DDX54: variants seen among roughly 807,000 people sequenced by gnomAD.
DDX54 encodes the protein ATP-dependent RNA helicase DDX54.
In DDX54, 67 loss-of-function variants were observed where a neutral mutation model predicts 105.5. That is an observed-to-expected ratio of 0.64 (90% CI 0.52 to 0.78). The LOEUF (loss-of-function observed/expected upper bound fraction) is 0.78, where lower values mean the gene tolerates loss of function less well. DDX54 is among the 30% of genes least tolerant of loss of function. The pLI is 0.00. For synonymous variants in DDX54, 514 were observed against 509.9 expected (o/e 1.01, Z -0.11); for missense variants, 1,206 against 1,230.5 (o/e 0.98, Z 0.30).
rs868622825 is a variant in DDX54, at chr12:113,163,604, C to T, written c.1939-330G>A. On this transcript the variant is annotated intron_variant, in intron 15 of 19. Coordinates refer to ENST00000306014, the MANE Select transcript of DDX54 (RefSeq NM_024072.4). This position sits in a 1 kb window ranked among gnomAD's most constrained non-coding sequence, Gnocchi z 5.9. ...TGACAGCCGGCCCTGCCCCTCTCTG[C>T]GCCTGGCCTGCTCTGAACAACATGG... is the stretch of plus-strand genomic sequence containing the variant. Among the ~76,000 whole-genome samples, 1 of 152,164 alleles carries T rather than the reference C, an allele frequency of 6.6e-6. No homozygotes were observed. The highest frequency in any genetic ancestry group is 1.5e-5 in the Non-Finnish European group (1 of 68,026).
intron 5 of DDX54, 126 bp downstream of exon 5, chr12:113,178,851 T>C: frequency 7.5e-7 from 1 of 1,330,048 alleles, no homozygotes; most frequent in Non-Finnish European, 1.0e-6. Context: ...CCTTGTTGGG[T>C]TTTTTGAATG....
In DDX54 at chr12:113,163,139, C is replaced by T. The variant is rs1419999031; in HGVS notation, c.2074G>A (p.Glu692Lys). The change falls in exon 16 of 20, where the codon GAG becomes AAG. Residue 692 changes from glutamate to lysine, a missense_variant. Physicochemically the swap from Glu to Lys is moderately conservative, Grantham distance 56. Coordinates refer to ENST00000306014, the MANE Select transcript of DDX54 (RefSeq NM_024072.4). The surrounding 1 kb of genome is among the most constrained non-coding windows in gnomAD (Gnocchi z 5.9). ...IPYRPKDFDS[E>K]RGLSISGEGG... ...ACCCAGCCAGCCACTCACCCCCGCTCGCTGTCAAAGTCCTTGGGCCGGTAG... is the reference window on the plus strand; with the variant it reads ...ACCCAGCCAGCCACTCACCCCCGCTTGCTGTCAAAGTCCTTGGGCCGGTAG... 1.1e-5 allele frequency: 18 copies of T among 1,613,150 alleles called. No individual in the cohort carries two copies. The highest frequency in any genetic ancestry group is 1.4e-5 in the Non-Finnish European group (17 of 1,179,980).
intron 5 of DDX54, among the ~76,000 whole-genome samples, chr12:113,177,739 A>G (rs1369629992): frequency 2.6e-5 from 4 of 152,172 alleles, no homozygotes; most frequent in African/African-American, 9.7e-5. Context: ...AAGGCATGGA[A>G]TGAGGCAGGA....
chr12:113,159,591 T>C (rs1234697793), intron 19 of DDX54, among the ~76,000 whole-genome samples: 1 of 152,120 alleles, frequency 6.6e-6, no homozygotes, highest in Non-Finnish European at 1.5e-5. Flanking sequence ...TAGTAACCGA[T>C]ACAGACCTCA....
intron 1 of DDX54, among the ~76,000 whole-genome samples, chr12:113,184,104 A>C (rs1003979514): frequency 6.6e-6 from 1 of 151,402 alleles, no homozygotes; most frequent in African/African-American, 2.4e-5. Flanking sequence ...ATGCCACCAC[A>C]CCTGGCTATT....
At chr12:113,162,738 TCTCA>T (rs1215810499) in intron 17 of DDX54, 190 bp downstream of exon 17, 11 of 524,536 alleles carry the variant, frequency 2.1e-5, no homozygotes, top group East Asian at 1.4e-4. Flanking sequence ...CAGCTCACTC[TCTCA>T]CTCACCCTGG....
Position 113,157,275 on chromosome 12 carries a change from AC to A in DDX54, c.*1601del, listed in dbSNP as rs1952139375. The A allele has an allele frequency of 3.0e-6, 1 of 332,328 alleles. No homozygotes were observed. The highest frequency in any genetic ancestry group is 5.6e-6 in the Non-Finnish European group (1 of 180,040). 20.6% of individuals were successfully genotyped at this position (332,328 alleles called of 1,614,324 possible). On this transcript the variant is annotated 3_prime_UTR_variant, in exon 20 of 20. Transcript: ENST00000306014. ...CCACGGAGATAAGAGTAGGTCACAA[AC>A]CAATGAATATGACTGATCCAGTTAC...
In DDX54 at chr12:113,185,407, A is replaced by T. The variant is rs777129326; in HGVS notation, c.45T>A (p.Ala15=). ...KGPAAGPRSR[A]AMAQWRKKKG... ...TCTTCTTCCTCCACTGGGCCATGGC[A>T]GCTCGCGACCGAGGTCCAGCCGCCG... is the stretch of plus-strand genomic sequence containing the variant. The change falls in exon 1 of 20, where the codon GCT becomes GCA. Residue 15 remains alanine, a synonymous_variant. Transcript: ENST00000306014. The T allele has an allele frequency of 2.6e-5, 40 of 1,539,052 alleles. No homozygotes were observed. Among genetic ancestry groups the T allele is most frequent in the Non-Finnish European group, 3.4e-5 (39 of 1,145,266 alleles).
chr12:113,180,037 AG>A, intron 2 of DDX54, 32 bp from the exon 3 acceptor site: 9 of 1,611,406 alleles, frequency 5.6e-6, no homozygotes, highest in Non-Finnish European at 7.6e-6. Flanking sequence ...CAGGGGGCCG[AG>A]GGAGTCCCCA....
Position 113,175,027 on chromosome 12 carries a change from C to T in DDX54, c.874+9G>A. On this transcript the variant is annotated intron_variant, in intron 8 of 19. Coordinates refer to ENST00000306014, the MANE Select transcript of DDX54 (RefSeq NM_024072.4). Reference sequence around the variant, plus strand: ...CCCCAGCCCCCATCTCCACCCCCAGCTCACGCACCAGCCCGGGCAAATTCC... The same window carrying T: ...CCCCAGCCCCCATCTCCACCCCCAGTTCACGCACCAGCCCGGGCAAATTCC... The T allele has an allele frequency of 6.2e-7, 1 of 1,613,718 alleles. No individual in the cohort carries two copies. Among genetic ancestry groups the T allele is most frequent in the Non-Finnish European group, 8.5e-7 (1 of 1,179,898 alleles).
At chr12:113,177,598 C>A (rs1775156384) in intron 5 of DDX54, among the ~76,000 whole-genome samples, 1 of 152,150 alleles carries the variant, frequency 6.6e-6, no homozygotes, top group South Asian at 2.1e-4. Context: ...TCACAAACTT[C>A]AGAAAGAATA....
rs374073074 is a variant in DDX54 at position 113,168,823 on chromosome 12, G to A, written c.1414+947C>T. The stretch of plus-strand genomic sequence containing the variant: ...TGTGTGCCTGCAGTCCCAGCTACTC[G>A]GGAGGCTGAGGCAGGAGAATCGCTT... On this transcript the variant is annotated intron_variant, in intron 12 of 19. Coordinates refer to ENST00000306014, the MANE Select transcript of DDX54 (RefSeq NM_024072.4). Among the ~76,000 whole-genome samples the A allele has an allele frequency of 1.1e-3, 174 of 152,248 alleles. 6 individuals are homozygous for A. The South Asian group carries it at 0.034, about 29-fold the overall frequency.
At position 113,163,714 on chromosome 12, in the gene DDX54, C is replaced by T. The variant is rs556923053; in HGVS notation, c.1938+353G>A. On this transcript the variant is annotated intron_variant, in intron 15 of 19. Coordinates refer to ENST00000306014, the MANE Select transcript of DDX54 (RefSeq NM_024072.4). This position sits in a 1 kb window ranked among gnomAD's most constrained non-coding sequence, Gnocchi z 5.9. Reference sequence around the variant, plus strand: ...CATGAGAGAGGGACATCCTGGGGGACGCACAGGCCCAGGACCCACCCACCA... The same window carrying T: ...CATGAGAGAGGGACATCCTGGGGGATGCACAGGCCCAGGACCCACCCACCA... Among the ~76,000 whole-genome samples the T allele has an allele frequency of 2.6e-5, 4 of 152,256 alleles. No individual in the cohort carries two copies. The highest frequency in any genetic ancestry group is 2.1e-4 in the South Asian group (1 of 4,824).
At chr12:113,159,719 T>G (rs1952181817) in intron 19 of DDX54, among the ~76,000 whole-genome samples, 1 of 152,060 alleles carries the variant, frequency 6.6e-6, no homozygotes, top group African/African-American at 2.4e-5. Context: ...GGGACTTATC[T>G]GAGATCACAC....
At chr12:113,182,794 T>C (rs1216925342) in intron 1 of DDX54, among the ~76,000 whole-genome samples, 2 of 151,970 alleles carry the variant, frequency 1.3e-5, no homozygotes, top group Non-Finnish European at 2.9e-5. Flanking sequence ...CGACCTCAAG[T>C]GATCCGCTCA....
Position 113,179,180 on chromosome 12 carries a change from C to T in DDX54, c.527G>A (p.Arg176Gln), listed in dbSNP as rs753492060. ...GARALILSPT[R>Q]ELALQTLKFT... ...CTTCAGGGTCTGCAGGGCCAGCTCT[C>T]GGGTCGGCGAGAGGATGAGGGCGCG... The change falls in exon 4 of 20, where the codon CGA (arginine) becomes CAA (glutamine). Residue 176 changes from arginine to glutamine, a missense_variant. By Grantham distance (43) the Arg-to-Gln change is conservative. Transcript: ENST00000306014. 9.9e-6 allele frequency: 16 copies of T among 1,613,920 alleles called. No homozygotes were observed. The highest frequency in any genetic ancestry group is 2.2e-5 in the South Asian group (2 of 91,068).
intron 8 of DDX54, 26 bp from the exon 9 acceptor site, chr12:113,174,962 G>C (rs1428456321): frequency 2.5e-6 from 4 of 1,612,072 alleles, no homozygotes; most frequent in Non-Finnish European, 3.4e-6. Context: ...GGGAAAGTGG[G>C]GGAGTCGCAG....
chr12:113,174,081 A>C (rs1057042653), intron 10 of DDX54, among the ~76,000 whole-genome samples: 2 of 151,874 alleles, frequency 1.3e-5, no homozygotes, highest in Non-Finnish European at 2.9e-5. Flanking sequence ...CAGGAGGATG[A>C]GGCAGGAGAA....
chr12:113,161,989 T>G lies in DDX54; in HGVS notation c.2204A>C (p.Lys735Thr). The change falls in exon 18 of 20, where the codon AAG becomes ACG. Residue 735 changes from lysine (K) to threonine (T), a missense_variant. By Grantham distance (78) the Lys-to-Thr change is moderately conservative. Transcript: ENST00000306014. ...RGRQQLKWDR[K>T]KKRFVGQSGQ... is the part of the protein sequence containing the mutation. ...TGACTGTCCCACAAACCGCTTCTTC[T>G]TACGGTCCCTGCAGGAGAGGGAGTT... The G allele has an allele frequency of 6.2e-7, 1 of 1,612,412 alleles. No individual in the cohort carries two copies. Among genetic ancestry groups the G allele is most frequent in the Non-Finnish European group, 8.5e-7 (1 of 1,179,546 alleles).
Sources: gnomAD v4.1 joint callset for allele counts (sites outside exome capture counted in the v4.1 genomes callset) on GRCh38, gnomAD v4.1.1 for gene constraint, Gnocchi (gnomAD v3.1) non-coding constraint, MANE v1.5 for transcripts, NCBI Gene and HGNC (gene_info 2026-07-23, HGNC 2026-07-21) for gene names.